DICER1: variants seen among roughly 807,000 people sequenced by gnomAD.
The protein encoded by DICER1 is dicer 1, ribonuclease III.
A neutral mutation model predicts 194.1 loss-of-function variants in DICER1; 43 were observed. The ratio of observed to expected loss-of-function variants is 0.22; its 90% CI spans 0.17 to 0.29. The LOEUF is 0.29. Among genes scored for constraint, DICER1 ranks in the 10% least tolerant of loss-of-function variants. The pLI is 1.00. For synonymous variants in DICER1, 832 were observed against 820.5 expected (o/e 1.01, Z -0.24); for missense variants, 1,608 against 2,317.0 (o/e 0.69, Z 6.28).
Position 95,087,968 on chromosome 14 carries a change from A to G in DICER1, c.*2530T>C, listed in dbSNP as rs372370761. ...CAGATGCAAAACATTTCAACAAGCT[A>G]AACACAGGAAAACTTTACAGCATTA... On this transcript the variant is annotated 3_prime_UTR_variant, in exon 27 of 27. Transcript: ENST00000343455. 8 of 232,986 alleles carry G rather than the reference A, an allele frequency of 3.4e-5. No individual in the cohort carries two copies. The highest frequency in any genetic ancestry group is 8.8e-5 in the African/African-American group (4 of 45,332). The allele number at this position is 232,986 out of a possible 1,614,324, so 14.4% of individuals were successfully genotyped here.
intron 13 of DICER1, 146 bp from the exon 14 acceptor site, chr14:95,111,602 A>C (rs1475840978): frequency 3.4e-6 from 3 of 886,664 alleles, no homozygotes; most frequent in Non-Finnish European, 3.6e-6. Flanking sequence ...AAGTAATCAG[A>C]TTCACACTTC....
At chr14:95,148,343 A>G (rs925323474) in intron 1 of DICER1, among the ~76,000 whole-genome samples, 12 of 152,270 alleles carry the variant, frequency 7.9e-5, no homozygotes, top group Admixed American at 7.2e-4. Context: ...CCCATTTTGA[A>G]GCTACCAGGA....
intron 1 of DICER1, among the ~76,000 whole-genome samples, chr14:95,144,627 TAACCGTAAG>T (rs1427056701): frequency 6.6e-6 from 1 of 152,186 alleles, no homozygotes; most frequent in Non-Finnish European, 1.5e-5. Flanking sequence ...AATGTTTCAT[TAACCGTAAG>T]ATTCGGCATA....
intron 21 of DICER1, among the ~76,000 whole-genome samples, chr14:95,101,251 G>C (rs568546526): frequency 6.6e-6 from 1 of 152,162 alleles, no homozygotes; most frequent in African/African-American, 2.4e-5. Context: ...GATCCAAAAC[G>C]CATCAGGGCT....
At chr14:95,125,458 C>T (rs932611002) in intron 7 of DICER1, among the ~76,000 whole-genome samples, 3 of 143,598 alleles carry the variant, frequency 2.1e-5, no homozygotes, top group Non-Finnish European at 3.0e-5. Context: ...AATTGAGAGC[C>T]GAAAGTCAAT....
intron 12 of DICER1, 118 bp from the exon 13 acceptor site, chr14:95,112,365 ATTCT>A (rs1007382581): frequency 1.7e-5 from 14 of 838,914 alleles, no homozygotes; most frequent in South Asian, 1.3e-4. Flanking sequence ...CCAAAACAAA[ATTCT>A]TTATTTTGAA....
At chr14:95,149,429 G>A (rs572400581) in intron 1 of DICER1, among the ~76,000 whole-genome samples, 2 of 152,064 alleles carry the variant, frequency 1.3e-5, no homozygotes, top group South Asian at 2.1e-4. Flanking sequence ...AACAGAGTTC[G>A]CCACCTCTCA....
At chr14:95,136,292 T>C (rs1894364422) in intron 1 of DICER1, among the ~76,000 whole-genome samples, 1 of 152,228 alleles carries the variant, frequency 6.6e-6, no homozygotes, top group Admixed American at 6.5e-5. Flanking sequence ...TCTCAAATAC[T>C]CCATTTCCTC....
intron 10 of DICER1, 105 bp downstream of exon 10, chr14:95,116,348 G>A: frequency 1.5e-6 from 2 of 1,343,968 alleles, no homozygotes; most frequent in Non-Finnish European, 2.1e-6. Context: ...ATTATTGCCT[G>A]TAGATAAAAC....
Position 95,133,407 on chromosome 14 carries a change from T to C in DICER1, c.52A>G (p.Thr18Ala). Residue 18 changes from threonine to alanine, a missense_variant, in exon 2 of 27, where the codon ACC becomes GCC. By Grantham distance (58) the Thr-to-Ala change is moderately conservative. Around this residue, in one of 10 missense-constraint regions of DICER1, gnomAD observed 657 missense variants for 910.1 expected, o/e 0.72. Transcript: ENST00000343455. The stretch of plus-strand genomic sequence containing the variant: ...GGACCCATTGGTGAGGAAGCAGGGG[T>C]CATGAGCTGCAGGCCTGCCATGCTG... ...PLSMAGLQLM[T>A]PASSPMGPFF... 6.2e-7 allele frequency: 1 copy of C among 1,614,016 alleles called. No individual in the cohort carries two copies. Among genetic ancestry groups the C allele is most frequent in the Non-Finnish European group, 8.5e-7 (1 of 1,179,976 alleles).
Position 95,103,878 on chromosome 14 carries a change from G to T in DICER1, c.3518C>A (p.Thr1173Lys), listed in dbSNP as rs769329149. The part of the protein sequence containing the change: ...KLHVEVSADL[T>K]AINGLSYNQN... ...ATTGTAAGAAAGACCATTAATTGCT[G>T]TAAGATCTGCTGAAACTTCAACGTG... Residue 1173 changes from threonine to lysine, a missense_variant, in exon 21 of 27, where the codon ACA becomes AAA. By Grantham distance (78) the Thr-to-Lys change is moderately conservative. Around this residue, in one of 10 missense-constraint regions of DICER1, gnomAD observed 222 missense variants for 215.5 expected, o/e 1.03. Coordinates refer to ENST00000343455, the MANE Select transcript of DICER1 (RefSeq NM_177438.3). 3 of 1,614,154 alleles carry T rather than the reference G, an allele frequency of 1.9e-6. No individual in the cohort carries two copies. The African/African-American group carries it at 4.0e-5, about 22-fold the overall frequency.
chr14:95,156,816 G>C (rs963133315), intron 1 of DICER1, among the ~76,000 whole-genome samples: 2 of 152,128 alleles, frequency 1.3e-5, no homozygotes, highest in Non-Finnish European at 2.9e-5. Context: ...AGGGCCCCAG[G>C]GTGCTCCGGC....
chr14:95,107,718 T>G lies in DICER1; in HGVS notation c.2694A>C (p.Glu898Asp). 6.2e-7 allele frequency: 1 copy of G among 1,614,008 alleles called. No individual in the cohort carries two copies. The highest frequency in any genetic ancestry group is 8.5e-7 in the Non-Finnish European group (1 of 1,179,912). The change falls in exon 17 of 27, where the codon GAA (glutamate) becomes GAC (aspartate). Residue 898 changes from glutamate to aspartate, a missense_variant. Physicochemically the swap from Glu to Asp is conservative, Grantham distance 45. This residue lies in a region of DICER1 where 150 missense variants were observed against 216.0 expected (regional missense o/e 0.69). Transcript: ENST00000343455. ...TGCGAGCTTCAGACTTCTCAATATCTTCCATGAATTTAAAGTCAATATCCA... is the reference window on the plus strand; with the variant it reads ...TGCGAGCTTCAGACTTCTCAATATCGTCCATGAATTTAAAGTCAATATCCA... The part of the protein sequence containing the change: ...STLDIDFKFM[E>D]DIEKSEARIG...
chr14:95,150,848 A>C (rs1895467996), intron 1 of DICER1, among the ~76,000 whole-genome samples: 2 of 152,236 alleles, frequency 1.3e-5, no homozygotes, highest in African/African-American at 2.4e-5. Context: ...CTGAAAGTAC[A>C]AAACTTGAAT....
intron 22 of DICER1, among the ~76,000 whole-genome samples, chr14:95,097,854 A>G (rs2139871325): frequency 1.3e-5 from 2 of 152,330 alleles, no homozygotes; most frequent in South Asian, 4.1e-4. Context: ...TTTAATTAAG[A>G]AAGAAACACC....
At chr14:95,148,045 T>G (rs1042836164) in intron 1 of DICER1, among the ~76,000 whole-genome samples, 5 of 152,056 alleles carry the variant, frequency 3.3e-5, no homozygotes, top group Non-Finnish European at 7.4e-5. Context: ...TAAAAATAAG[T>G]AAATTAATTA....
At chr14:95,138,060 C>T (rs374280102) in intron 1 of DICER1, 37 of 154,582 alleles carry the variant, frequency 2.4e-4, no homozygotes, top group East Asian at 1.5e-3. Flanking sequence ...TTCTCAGGCC[C>T]GGTTTCACCT....
At position 95,096,171 on chromosome 14, in the gene DICER1, G is replaced by A. The variant is rs767814647; in HGVS notation, c.4749C>T (p.Leu1583=). The change falls in exon 23 of 27, where the codon CTC becomes CTT. Residue 1583 remains leucine (L), a synonymous_variant. Transcript: ENST00000343455. ...SCGERAAQLF[L]CSLGLKVLPV... is the part of the protein sequence containing the mutation. ...GGAGCACCTTCAGCCCCAGTGAACA[G>A]AGGAAAAGCTGAGCAGCCCTCTCCC... The A allele has an allele frequency of 1.2e-6, 2 of 1,614,118 alleles. No homozygotes were observed. The highest frequency in any genetic ancestry group is 1.6e-4 in the Middle Eastern group (1 of 6,078).
intron 21 of DICER1, 120 bp from the exon 22 acceptor site, chr14:95,100,055 CAATT>C (rs1595354363): frequency 9.3e-7 from 1 of 1,079,440 alleles, no homozygotes; most frequent in South Asian, 1.5e-5. Flanking sequence ...TATATGTCAT[CAATT>C]AATTATAAGG....
Sources: allele counts gnomAD v4.1 joint callset (sites outside exome capture counted in the v4.1 genomes callset), GRCh38; gene constraint gnomAD v4.1.1; regional missense constraint gnomAD v4.1.1; transcripts MANE v1.5; gene names NCBI Gene and HGNC (gene_info 2026-07-23, HGNC 2026-07-21).